The following LRRC38 variants were observed in gnomAD, a reference collection of about 807,000 sequenced individuals.
LRRC38 encodes leucine-rich repeat-containing protein 38.
In LRRC38, 5 loss-of-function variants were observed where a neutral mutation model predicts 16.4. The ratio of observed to expected loss-of-function variants is 0.31; its 90% CI spans 0.16 to 0.64. The LOEUF is 0.64. Ranked by LOEUF, LRRC38 falls within the 30% of genes least tolerant of loss-of-function variation. The probability of loss-of-function intolerance (pLI) is 0.80; values close to 1 mark genes in which losing one functional copy is unlikely to be tolerated. For missense variants in LRRC38, 341 were observed against 401.8 expected (o/e 0.85, Z 1.29); for synonymous variants, 191 against 190.2 (o/e 1.00, Z -0.04).
chr1:13,503,717 G>T (rs938109720), intron 1 of LRRC38, among the ~76,000 whole-genome samples: 2 of 152,216 alleles, frequency 1.3e-5, no homozygotes, highest in Non-Finnish European at 2.9e-5. Flanking sequence ...TGAGAAGGCT[G>T]AAGCCGAGAA....
intron 1 of LRRC38, among the ~76,000 whole-genome samples, chr1:13,489,394 G>A (rs1422430292): frequency 1.3e-5 from 2 of 152,266 alleles, no homozygotes; most frequent in African/African-American, 2.4e-5. Flanking sequence ...CATCATAGAA[G>A]ATCTGAAGTC....
intron 1 of LRRC38, among the ~76,000 whole-genome samples, chr1:13,476,308 G>A (rs1269112968): frequency 6.6e-6 from 1 of 150,620 alleles, no homozygotes; most frequent in Non-Finnish European, 1.5e-5. Context: ...GGAACGTGCT[G>A]GTCTTCACTG....
chr1:13,475,841 G>A lies in LRRC38; in HGVS notation c.*5C>T, dbSNP rs1022695491. The A allele has an allele frequency of 9.7e-6, 15 of 1,547,826 alleles. No individual in the cohort carries two copies. The South Asian group carries it at 1.5e-4, about 16-fold the overall frequency. On this transcript the variant is annotated 3_prime_UTR_variant, in exon 2 of 2. Transcript: ENST00000376085. This position sits in a 1 kb window ranked among gnomAD's most constrained non-coding sequence, Gnocchi z 4.3. ...GAGAGTAAGAGGCAGGAGGGAGGAGGTGGCTCAGTCATCCTTGTCCTCGTC... is the reference window on the plus strand; with the variant it reads ...GAGAGTAAGAGGCAGGAGGGAGGAGATGGCTCAGTCATCCTTGTCCTCGTC...
intron 1 of LRRC38, 22 bp downstream of exon 1, chr1:13,512,941 C>CCCCCGA: frequency 6.6e-7 from 1 of 1,522,432 alleles, no homozygotes; most frequent in Non-Finnish European, 8.9e-7. Context: ...CTCCCTCCCC[C>CCCCCGA]AGCCTAGCCG....
At chr1:13,481,788 C>CTCTCTCTCTCT (rs1638871506) in intron 1 of LRRC38, among the ~76,000 whole-genome samples, 1 of 34,464 alleles carries the variant, frequency 2.9e-5, no homozygotes, top group Non-Finnish European at 5.1e-5. Flanking sequence ...TCCCTCTCTC[C>CTCTCTCTCTCT]CTCTCTCTCT....
chr1:13,493,110 A>G (rs1279484281), intron 1 of LRRC38, among the ~76,000 whole-genome samples: 2 of 152,216 alleles, frequency 1.3e-5, no homozygotes, highest in South Asian at 2.1e-4. Context: ...AATAGCTTCA[A>G]AATAATTTAC....
At chr1:13,512,357 T>C (rs1246481214) in intron 1 of LRRC38, among the ~76,000 whole-genome samples, 1 of 152,220 alleles carries the variant, frequency 6.6e-6, no homozygotes, top group African/African-American at 2.4e-5. Context: ...ACCAGCCCTC[T>C]ACATTTTGGT....
At chr1:13,479,858 C>T (rs1013801085) in intron 1 of LRRC38, among the ~76,000 whole-genome samples, 1 of 152,220 alleles carries the variant, frequency 6.6e-6, no homozygotes, top group South Asian at 2.1e-4. Flanking sequence ...CATAGGCAGA[C>T]TCCAGGGTCC....
chr1:13,513,172 A>G lies in LRRC38; in HGVS notation c.422T>C (p.Val141Ala). Reference protein sequence around the residue: ...VKLSLANNNLVGVHEDAFETL... With the variant: ...VKLSLANNNLAGVHEDAFETL... ...CTCGAAGGCGTCCTCGTGCACGCCC[A>G]CCAGGTTGTTGTTAGCCAGGCTAAG... The change falls in exon 1 of 2, where the codon GTG (valine) becomes GCG (alanine). Residue 141 changes from valine to alanine, a missense_variant. Val to Ala is a moderately conservative substitution (Grantham distance 64). Coordinates refer to ENST00000376085, the MANE Select transcript of LRRC38 (RefSeq NM_001010847.2). 6.4e-7 allele frequency: 1 copy of G among 1,550,444 alleles called. No homozygotes were observed. Among genetic ancestry groups the G allele is most frequent in the Middle Eastern group, 1.7e-4 (1 of 5,992 alleles).
intron 1 of LRRC38, among the ~76,000 whole-genome samples, chr1:13,489,811 C>A (rs1405032349): frequency 6.6e-6 from 1 of 152,116 alleles, no homozygotes; most frequent in Non-Finnish European, 1.5e-5. Context: ...CCCAATTAAA[C>A]TCCCGTCTCG....
intron 1 of LRRC38, 42 bp downstream of exon 1, chr1:13,512,921 G>GCCCCCCAAC: frequency 5.6e-6 from 7 of 1,246,164 alleles, no homozygotes; most frequent in African/African-American, 1.5e-5. Context: ...GCCTCTCCCT[G>GCCCCCCAAC]CCCCCCTCCC....
At chr1:13,476,421 C>T (rs1219619938) in intron 1 of LRRC38, among the ~76,000 whole-genome samples, 1 of 152,056 alleles carries the variant, frequency 6.6e-6, no homozygotes, top group Admixed American at 6.6e-5. Context: ...CTCTACCTCC[C>T]GGGTTCAAGC....
At chr1:13,497,461 G>C (rs1639093105) in intron 1 of LRRC38, among the ~76,000 whole-genome samples, 2 of 152,006 alleles carry the variant, frequency 1.3e-5, no homozygotes, top group Non-Finnish European at 1.5e-5. Context: ...TTTCTGATGT[G>C]AGATTTGAGG....
intron 1 of LRRC38, among the ~76,000 whole-genome samples, chr1:13,479,103 A>G (rs1638821554): frequency 6.6e-6 from 1 of 152,128 alleles, no homozygotes; most frequent in Admixed American, 6.5e-5. Context: ...GGAGAGCTTT[A>G]TCTTTTAAAA....
At chr1:13,510,984 C>G (rs1234428172) in intron 1 of LRRC38, among the ~76,000 whole-genome samples, 1 of 152,232 alleles carries the variant, frequency 6.6e-6, no homozygotes, top group Non-Finnish European at 1.5e-5. Context: ...CAGAGCTGCT[C>G]ATGGCACTGC....
At chr1:13,498,116 G>T (rs1017846676) in intron 1 of LRRC38, among the ~76,000 whole-genome samples, 1 of 151,960 alleles carries the variant, frequency 6.6e-6, no homozygotes, top group Non-Finnish European at 1.5e-5. Context: ...CTATCAGGAC[G>T]CGCAGCCCAA....
chr1:13,513,201 C>A lies in LRRC38; in HGVS notation c.393G>T (p.Val131=). The part of the protein sequence containing the change: ...AGAFRSAGRL[V]KLSLANNNLV... ...GGTTGTTGTTAGCCAGGCTAAGCTT[C>A]ACCAGCCTCCCGGCCGAGCGGAAGG... The change falls in exon 1 of 2, where the codon GTG becomes GTT. Residue 131 remains valine, a synonymous_variant. Coordinates refer to ENST00000376085, the MANE Select transcript of LRRC38 (RefSeq NM_001010847.2). 6.4e-7 allele frequency: 1 copy of A among 1,550,534 alleles called. No individual in the cohort carries two copies. Among genetic ancestry groups the A allele is most frequent in the Non-Finnish European group, 8.7e-7 (1 of 1,146,968 alleles).
chr1:13,499,980 G>A (rs1442782272), intron 1 of LRRC38, among the ~76,000 whole-genome samples: 1 of 152,130 alleles, frequency 6.6e-6, no homozygotes, highest in Non-Finnish European at 1.5e-5. Context: ...GCTGGGCTTG[G>A]TCTCTCATGC....
At chr1:13,494,575 A>G (rs1207983858) in intron 1 of LRRC38, among the ~76,000 whole-genome samples, 2 of 152,172 alleles carry the variant, frequency 1.3e-5, no homozygotes, top group African/African-American at 4.8e-5. Context: ...CACAGCTGGT[A>G]AATAAAGGCA....
Sources: gnomAD v4.1 joint callset for allele counts (sites outside exome capture counted in the v4.1 genomes callset) on GRCh38, gnomAD v4.1.1 for gene constraint, Gnocchi (gnomAD v3.1) non-coding constraint, MANE v1.5 for transcripts, NCBI Gene and HGNC (gene_info 2026-07-23, HGNC 2026-07-21) for gene names.